The following MEGF11 variants were observed in gnomAD, a reference collection of about 807,000 sequenced individuals.
MEGF11 encodes the protein multiple epidermal growth factor-like domains protein 11.
Under a neutral mutation model 146.6 loss-of-function variants are expected in MEGF11, and 126 were observed. The ratio of observed to expected loss-of-function variants is 0.86; its 90% CI spans 0.74 to 1.00. The LOEUF is 1.00. Among genes scored for constraint, MEGF11 ranks in the 50% least tolerant of loss-of-function variants. MEGF11 has a pLI of 0.00. For synonymous variants in MEGF11, 532 were observed against 583.4 expected (o/e 0.91, Z 1.27); for missense variants, 1,509 against 1,521.2 (o/e 0.99, Z 0.13).
intron 1 of MEGF11, among the ~76,000 whole-genome samples, chr15:66,215,366 C>G (rs776367275): frequency 1.9e-4 from 29 of 152,244 alleles, no homozygotes; most frequent in Non-Finnish European, 3.8e-4. Flanking sequence ...GCCCTGGGAA[C>G]CTCCACATTG....
chr15:66,204,061 A>G (rs1261828653), intron 1 of MEGF11, among the ~76,000 whole-genome samples: 1 of 151,624 alleles, frequency 6.6e-6, no homozygotes, highest in East Asian at 1.9e-4. Context: ...TGGGCAAGAC[A>G]GTAAGATCTC....
chr15:65,913,258 C>A (rs2141201673), intron 20 of MEGF11, among the ~76,000 whole-genome samples: 1 of 152,232 alleles, frequency 6.6e-6, no homozygotes, highest in Non-Finnish European at 1.5e-5. Flanking sequence ...CAGGTACTGT[C>A]CCCTTCCGCT....
At chr15:66,239,690 G>A (rs1308113575) in intron 1 of MEGF11, among the ~76,000 whole-genome samples, 1 of 152,202 alleles carries the variant, frequency 6.6e-6, no homozygotes, top group Non-Finnish European at 1.5e-5. Flanking sequence ...TCAGAAGCCA[G>A]AGCAGCTTCC....
chr15:66,186,026 G>C (rs2090688754), intron 1 of MEGF11, among the ~76,000 whole-genome samples: 1 of 152,180 alleles, frequency 6.6e-6, no homozygotes, highest in East Asian at 1.9e-4. Context: ...CTACTGGGGA[G>C]AGGTGGGGGC....
chr15:65,913,890 T>G lies in MEGF11; in HGVS notation c.2557A>C (p.Thr853Pro), dbSNP rs150125637. ...GAERHSVGAVTGIMLLLFLIV... is the reference protein window; with the variant it reads ...GAERHSVGAVPGIMLLLFLIV... ...AGGAATAACAGGAGCATGATGCCTGTGACAGCACCCACCGAGTGCCGCTCT... is the reference window on the plus strand; with the variant it reads ...AGGAATAACAGGAGCATGATGCCTGGGACAGCACCCACCGAGTGCCGCTCT... The change falls in exon 20 of 26, where the codon ACA (threonine) becomes CCA (proline). Residue 853 changes from threonine (T) to proline (P), a missense_variant. Transcript: ENST00000395614. The G allele has an allele frequency of 1.8e-4, 292 of 1,613,968 alleles. 1 individual carries two copies. The highest frequency in any genetic ancestry group is 8.2e-4 in the Middle Eastern group (5 of 6,062).
At chr15:66,061,292 C>A (rs2084896033) in intron 5 of MEGF11, among the ~76,000 whole-genome samples, 1 of 152,196 alleles carries the variant, frequency 6.6e-6, no homozygotes, top group Non-Finnish European at 1.5e-5. Context: ...TGCAGGCAGT[C>A]CAGGGAGTTA....
intron 4 of MEGF11, among the ~76,000 whole-genome samples, chr15:66,114,750 A>G (rs1246401093): frequency 6.9e-6 from 1 of 144,128 alleles, no homozygotes; most frequent in Non-Finnish European, 1.5e-5. Context: ...AGCTGTAGAT[A>G]ATGGAAGCGG....
intron 5 of MEGF11, among the ~76,000 whole-genome samples, chr15:65,991,297 TC>T (rs2082037187): frequency 1.3e-5 from 2 of 152,202 alleles, no homozygotes; most frequent in Admixed American, 1.3e-4. Flanking sequence ...GGTTGTTTCC[TC>T]TAATTTTCTT....
chr15:66,069,170 T>C (rs1350565412), intron 5 of MEGF11, among the ~76,000 whole-genome samples: 1 of 148,046 alleles, frequency 6.8e-6, no homozygotes, highest in African/African-American at 2.5e-5. Flanking sequence ...TGCAAAAAAG[T>C]ACTTAGAGAC....
intron 1 of MEGF11, among the ~76,000 whole-genome samples, chr15:66,154,373 A>G (rs2089677434): frequency 6.6e-6 from 1 of 152,216 alleles, no homozygotes; most frequent in South Asian, 2.1e-4. Flanking sequence ...TCTGCAGCAA[A>G]GAGTACTTGC....
intron 1 of MEGF11, among the ~76,000 whole-genome samples, chr15:66,155,626 C>A (rs186930404): frequency 6.6e-6 from 1 of 152,202 alleles, no homozygotes; most frequent in African/African-American, 2.4e-5. Flanking sequence ...ATAGAAACCT[C>A]GATTTAACAT....
chr15:66,206,763 C>CTA (rs1377263475), intron 1 of MEGF11, among the ~76,000 whole-genome samples: 1 of 152,022 alleles, frequency 6.6e-6, no homozygotes, highest in African/African-American at 2.4e-5. Flanking sequence ...ATTAGCCAGG[C>CTA]ATGGTAGCGC....
intron 1 of MEGF11, among the ~76,000 whole-genome samples, chr15:66,250,089 G>A (rs986980578): frequency 1.3e-5 from 2 of 152,174 alleles, no homozygotes; most frequent in Admixed American, 6.5e-5. Flanking sequence ...AGAGGGACAT[G>A]GTTACCTGGC....
rs115942779 is a variant in MEGF11 at position 65,993,118 on chromosome 15, G to A, written c.395-10630C>T. On this transcript the variant is annotated intron_variant, in intron 5 of 25. Coordinates refer to ENST00000395614, the MANE Select transcript of MEGF11 (RefSeq NM_001385028.1). Reference sequence around the variant, plus strand: ...CCTGCGCTCCCGGCAGGAGCACCCCGCACTGTCCTCCCTGCTGTTCTAGAG... The same window carrying A: ...CCTGCGCTCCCGGCAGGAGCACCCCACACTGTCCTCCCTGCTGTTCTAGAG... Among the ~76,000 whole-genome samples the A allele has an allele frequency of 8.5e-3, 1,301 of 152,264 alleles. 22 individuals carry two copies. Among genetic ancestry groups the A allele is most frequent in the African/African-American group, 0.03 (1,229 of 41,550 alleles).
intron 1 of MEGF11, among the ~76,000 whole-genome samples, chr15:66,232,987 G>C (rs1364118122): frequency 3.9e-5 from 6 of 152,096 alleles, no homozygotes; most frequent in Non-Finnish European, 8.8e-5. Flanking sequence ...ATGCCATAGG[G>C]CTATGACAAT....
chr15:65,982,525 G>A lies in MEGF11; in HGVS notation c.395-37C>T, dbSNP rs1334948163. The A allele has an allele frequency of 9.7e-6, 14 of 1,441,694 alleles. No homozygotes were observed. The highest frequency in any genetic ancestry group is 5.9e-5 in the African/African-American group (4 of 68,208). The allele number at this position is 1,441,694 out of a possible 1,614,324, so 89.3% of individuals were successfully genotyped here. Reference sequence around the variant, plus strand: ...GGGACAGTCAGGGATCAGGAGCCCCGAAGGCTCTCCTTGGGGCAGGGGCCA... The same window carrying A: ...GGGACAGTCAGGGATCAGGAGCCCCAAAGGCTCTCCTTGGGGCAGGGGCCA... On this transcript the variant is annotated intron_variant, in intron 5 of 25. Coordinates refer to ENST00000395614, the MANE Select transcript of MEGF11 (RefSeq NM_001385028.1). This position sits in a 1 kb window ranked among gnomAD's most constrained non-coding sequence, Gnocchi z 5.6.
intron 1 of MEGF11, among the ~76,000 whole-genome samples, chr15:66,172,591 C>T (rs2090291486): frequency 6.6e-6 from 1 of 152,136 alleles, no homozygotes; most frequent in African/African-American, 2.4e-5. Context: ...TCTCCTAATG[C>T]TCCCTTCCCT....
At chr15:66,134,741 C>T (rs1038503000) in intron 1 of MEGF11, among the ~76,000 whole-genome samples, 1 of 152,218 alleles carries the variant, frequency 6.6e-6, no homozygotes, top group Non-Finnish European at 1.5e-5. Context: ...AGGGAGCCCT[C>T]GAGAATCCCT....
At chr15:65,965,979 A>G (rs1035586931) in intron 8 of MEGF11, among the ~76,000 whole-genome samples, 3 of 151,990 alleles carry the variant, frequency 2.0e-5, no homozygotes, top group African/African-American at 7.3e-5. Context: ...TAAACAAAAA[A>G]CTGTTTAGGT....
Sources: gnomAD v4.1 joint callset for allele counts (sites outside exome capture counted in the v4.1 genomes callset) on GRCh38, gnomAD v4.1.1 for gene constraint, Gnocchi (gnomAD v3.1) non-coding constraint, MANE v1.5 for transcripts, NCBI Gene and HGNC (gene_info 2026-07-23, HGNC 2026-07-21) for gene names.